Variants in SELENOW observed in about 807,000 individuals in gnomAD.
SELENOW encodes the protein selenoprotein W, 1.
Under a neutral mutation model 16.6 loss-of-function variants are expected in SELENOW, and 20 were observed. The observed-to-expected ratio is 1.21, with a 90% CI of 0.85 to 1.76. The LOEUF is 1.76. Ranked by LOEUF, SELENOW falls within the 40% of genes most tolerant of loss-of-function variation. The pLI is 0.00. For synonymous variants in SELENOW, 44 were observed against 46.2 expected (o/e 0.95, Z 0.19); for missense variants, 124 against 111.0 (o/e 1.12, Z -0.53).
At chr19:47,779,093 C>T (rs1967442165) in intron 1 of SELENOW, 3 of 491,072 alleles carry the variant, frequency 6.1e-6, no homozygotes, top group Admixed American at 7.7e-5. Context: ...TCCGGGGCTC[C>T]GCTGGGGAAG....
chr19:47,781,307 G>C lies in SELENOW; in HGVS notation c.201G>C (p.Val67=). Residue 67 remains valine (V), a synonymous_variant, in exon 5 of 6, where the codon GTG becomes GTC. Coordinates refer to ENST00000601048, the MANE Select transcript of SELENOW (RefSeq NM_003009.4). ...IHSKKKGDGY[V]DTESKFLKLV... The stretch of plus-strand genomic sequence containing the variant: ...CTCCCTAGAAAGGCGATGGCTACGT[G>C]GACACAGAAAGCAAGTTTCTGAAGT... The C allele has an allele frequency of 6.2e-7, 1 of 1,613,586 alleles. No individual in the cohort carries two copies. Among genetic ancestry groups the C allele is most frequent in the Non-Finnish European group, 8.5e-7 (1 of 1,179,640 alleles).
chr19:47,781,863 C>T (rs1033098728), intron 5 of SELENOW, among the ~76,000 whole-genome samples: 1 of 149,052 alleles, frequency 6.7e-6, no homozygotes, highest in African/African-American at 2.5e-5. Context: ...GGTGATGGGT[C>T]AGAGATGTGC....
intron 5 of SELENOW, chr19:47,783,568 T>A (rs982300663): frequency 6.6e-6 from 1 of 152,182 alleles, no homozygotes; most frequent in Admixed American, 6.6e-5. Context: ...GAACAGAGTA[T>A]CCCATCCCAA....
At chr19:47,781,248 C>A in intron 4 of SELENOW, 42 bp from the exon 5 acceptor site, 1 of 1,601,630 alleles carries the variant, frequency 6.2e-7, no homozygotes, top group Non-Finnish European at 8.6e-7. Context: ...AGGTTGGTGT[C>A]TCGGTCCCAG....
Position 47,781,629 on chromosome 19 carries a change from T to C in SELENOW, c.*18+241T>C, listed in dbSNP as rs1818197385. ...GAGATATGCAGGATGACAGCTGAGA[T>C]GGGGTCAAAGGTATGCAGGATGACA... On this transcript the variant is annotated intron_variant, in intron 5 of 5. Transcript: ENST00000601048. The C allele has an allele frequency of 1.4e-5, 8 of 560,644 alleles. 1 individual carries two copies. The South Asian group carries it at 1.6e-4, about 11-fold the overall frequency. The allele number at this position is 560,644 out of a possible 1,614,324, so 34.7% of individuals were successfully genotyped here. A position where few individuals can be genotyped will look rare whatever the true frequency, so the allele number is the denominator to read the frequency against.
At chr19:47,779,005 C>T (rs748985360) in intron 1 of SELENOW, 191 bp downstream of exon 1, 24 of 562,146 alleles carry the variant, frequency 4.3e-5, no homozygotes, top group Non-Finnish European at 7.2e-5. Context: ...GCCCCGTCTT[C>T]GACTTGTGAC....
At chr19:47,780,491 TGTGTGTCC>T in intron 1 of SELENOW, 3 of 577,582 alleles carry the variant, frequency 5.2e-6, no homozygotes, top group South Asian at 4.1e-5. Flanking sequence ...TGTGTGTCTC[TGTGTGTCC>T]CCGCGCCACC....
In SELENOW at chr19:47,780,853, C is replaced by A. The variant is rs376593015; in HGVS notation, c.55-11C>A. On this transcript the variant is annotated splice_polypyrimidine_tract_variant and intron_variant, in intron 2 of 5. Transcript: ENST00000601048. ...TATGACCCCTGCTGTGACCTCTCAC[C>A]GCGTTTTCAGTATCTTCAGCTCAAG... is the stretch of plus-strand genomic sequence containing the variant. 6 of 1,612,234 alleles carry A rather than the reference C, an allele frequency of 3.7e-6. No homozygotes were observed. Among genetic ancestry groups the A allele is most frequent in the African/African-American group, 1.3e-5 (1 of 74,718 alleles).
At chr19:47,783,518 C>G (rs916702784) in intron 5 of SELENOW, 1 of 152,250 alleles carries the variant, frequency 6.6e-6, no homozygotes, top group Non-Finnish European at 1.5e-5. Context: ...TTTTACTCCC[C>G]TCTAACCTTC....
At chr19:47,780,297 C>T (rs192121417) in intron 1 of SELENOW, 86 of 365,242 alleles carry the variant, frequency 2.4e-4, no homozygotes, top group African/African-American at 1.5e-3. Context: ...TGGAGTGCTG[C>T]GAGGGCTGTG....
At chr19:47,779,060 T>C in intron 1 of SELENOW, 1 of 513,834 alleles carries the variant, frequency 1.9e-6, no homozygotes, top group Admixed American at 3.8e-5. Flanking sequence ...GAGACGAGTG[T>C]GTGTCAATTT....
intron 3 of SELENOW, 34 bp from the exon 4 acceptor site, chr19:47,781,074 C>T (rs1263397318): frequency 6.3e-7 from 1 of 1,593,160 alleles, no homozygotes. Context: ...GACATCTTAG[C>T]CCCTCCAACA....
Position 47,778,792 on chromosome 19 carries a change from C to T in SELENOW, c.7C>T (p.Leu3Phe), listed in dbSNP as rs763660370. ...GATGTGGCAGCCCCGAGCCATGGCT[C>T]TCGCCGTCCGAGTCGTTTATTGGTA... is the stretch of plus-strand genomic sequence containing the variant. The part of the protein sequence containing the change: MA[L>F]AVRVVYCGAU... Residue 3 changes from leucine (L) to phenylalanine (F), a missense_variant, in exon 1 of 6, where the codon CTC (leucine) becomes TTC (phenylalanine). By Grantham distance (22) the Leu-to-Phe change is conservative (BLOSUM62 0). Transcript: ENST00000601048. The T allele has an allele frequency of 3.1e-6, 5 of 1,605,936 alleles. No homozygotes were observed. Among genetic ancestry groups the T allele is most frequent in the Admixed American group, 3.4e-5 (2 of 59,160 alleles).
intron 3 of SELENOW, 36 bp from the exon 4 acceptor site, chr19:47,781,072 A>C (rs746703299): frequency 1.3e-6 from 2 of 1,595,946 alleles, no homozygotes; most frequent in Non-Finnish European, 1.7e-6. Context: ...AGGACATCTT[A>C]GCCCCTCCAA....
chr19:47,781,680 G>T (rs1214253482), intron 5 of SELENOW: 1 of 476,138 alleles, frequency 2.1e-6, no homozygotes, highest in Non-Finnish European at 3.9e-6. Context: ...GGTCAGAGGT[G>T]TGCAGGATGA....
rs1967474752 is a variant in SELENOW at position 47,781,360 on chromosome 19, C to T, written c.254C>T (p.Ala85Val). 1 of 1,599,416 alleles carries T rather than the reference C, an allele frequency of 6.3e-7. No individual in the cohort carries two copies. Among genetic ancestry groups the T allele is most frequent in the Non-Finnish European group, 8.5e-7 (1 of 1,172,102 alleles). ...GTGGCCGCCATCAAAGCCGCCTTGG[C>T]TCAGGGCTAATGCGCCCTGAAGGCA... ...KLVAAIKAAL[A>V]QG Residue 85 changes from alanine to valine, a missense_variant, in exon 5 of 6, where the codon GCT becomes GTT. Ala to Val is a moderately conservative substitution (Grantham distance 64). Transcript: ENST00000601048.
At position 47,778,795 on chromosome 19, in the gene SELENOW, G is replaced by A. The variant is rs1471518021; in HGVS notation, c.10G>A (p.Ala4Thr). MALAVRVVYCGAUG... is the reference protein window; with the variant it reads MALTVRVVYCGAUG... The stretch of plus-strand genomic sequence containing the variant: ...GTGGCAGCCCCGAGCCATGGCTCTC[G>A]CCGTCCGAGTCGTTTATTGGTAAGC... Residue 4 changes from alanine to threonine, a missense_variant, in exon 1 of 6, where the codon GCC becomes ACC. Coordinates refer to ENST00000601048, the MANE Select transcript of SELENOW (RefSeq NM_003009.4). 3.1e-6 allele frequency: 5 copies of A among 1,605,768 alleles called. No homozygotes were observed. In the African/African-American group the frequency reaches 6.7e-5, roughly 21 times the overall value.
At chr19:47,778,836 C>A in intron 1 of SELENOW, 22 bp downstream of exon 1, 1 of 1,598,352 alleles carries the variant, frequency 6.3e-7, no homozygotes, top group East Asian at 2.3e-5. Flanking sequence ...GGCCAGCGGC[C>A]CCCGTCCCCG....
At position 47,781,276 on chromosome 19, in the gene SELENOW, C is replaced by T. The variant is rs375804800; in HGVS notation, c.184-14C>T. ...GGTCCCAGCTCACCCCTTCCCTCTT[C>T]CTCCCCTCCCTAGAAAGGCGATGGC... On this transcript the variant is annotated splice_polypyrimidine_tract_variant and intron_variant, in intron 4 of 5. Transcript: ENST00000601048. 5.6e-5 allele frequency: 91 copies of T among 1,611,756 alleles called. No individual in the cohort carries two copies. The African/African-American group carries it at 8.3e-4, about 15-fold the overall frequency.
Sources: allele counts gnomAD v4.1 joint callset (sites outside exome capture counted in the v4.1 genomes callset), GRCh38; gene constraint gnomAD v4.1.1; transcripts MANE v1.5; gene names NCBI Gene and HGNC (gene_info 2026-07-23, HGNC 2026-07-21).